Variants in NBAS observed in about 807,000 individuals in gnomAD.
NBAS encodes the protein NAG/BC035112 fusion.
Under a neutral mutation model 302.5 loss-of-function variants are expected in NBAS, and 219 were observed. The observed-to-expected ratio is 0.72, with a 90% confidence interval of 0.65 to 0.81. NBAS has a LOEUF of 0.81. NBAS is among the 30% of genes least tolerant of loss of function. The pLI is 0.00. For missense variants in NBAS, 2,932 were observed against 2,841.6 expected (o/e 1.03, Z -0.72); for synonymous variants, 1,118 against 1,021.6 (o/e 1.09, Z -1.80).
the NBAS span, among the ~76,000 whole-genome samples, chr2:15,149,648 G>A: frequency 6.6e-6 from 1 of 152,026 alleles, no homozygotes; most frequent in Non-Finnish European, 1.5e-5. Flanking sequence ...ACCATGCCTG[G>A]CTAATTTTTT....
At chr2:15,275,889 C>T in intron 43 of NBAS, 71 bp from the exon 44 acceptor site, 1 of 1,316,098 alleles carries the variant, frequency 7.6e-7, no homozygotes, top group South Asian at 1.2e-5. Flanking sequence ...TTCAAACACA[C>T]ACACATAGCC....
At chr2:15,440,097 G>C (rs74493722) in intron 21 of NBAS, among the ~76,000 whole-genome samples, 1,940 of 152,372 alleles carry the variant, frequency 0.013, 32 homozygotes, top group East Asian at 0.06. Flanking sequence ...CAAACTAAAA[G>C]ACAGCAGTAA....
At chr2:15,436,839 T>A (rs1188474394) in intron 21 of NBAS, among the ~76,000 whole-genome samples, 2 of 152,244 alleles carry the variant, frequency 1.3e-5, no homozygotes, top group Non-Finnish European at 2.9e-5. Context: ...AAAGCTTTCA[T>A]CGTTTTTGAT....
rs764140658 is a variant in NBAS at position 15,190,418 on chromosome 2, A to G, written c.6433-15T>C. 5 of 1,613,760 alleles carry G rather than the reference A, an allele frequency of 3.1e-6. No homozygotes were observed. The South Asian group carries it at 4.4e-5, about 14-fold the overall frequency. ...GCTATGTCTACCTGGAAGAAGAAAT[A>G]CACACTTAAAGCTGGTGGCAAAGGC... is the stretch of plus-strand genomic sequence containing the variant. On this transcript the variant is annotated splice_polypyrimidine_tract_variant and intron_variant, in intron 48 of 51. Transcript: ENST00000281513.
intron 48 of NBAS, among the ~76,000 whole-genome samples, chr2:15,205,223 T>C (rs1435263947): frequency 2.0e-5 from 3 of 152,058 alleles, no homozygotes; most frequent in African/African-American, 4.8e-5. Flanking sequence ...GTAAGATGCA[T>C]GGATAACCTC....
At chr2:15,171,844 TGA>T (rs914262260) in intron 51 of NBAS, among the ~76,000 whole-genome samples, 9 of 152,172 alleles carry the variant, frequency 5.9e-5, no homozygotes, top group African/African-American at 1.9e-4. Context: ...GTCAGCCATG[TGA>T]GGACAGTGAG....
intron 40 of NBAS, among the ~76,000 whole-genome samples, chr2:15,306,852 T>C (rs1233007718): frequency 6.6e-6 from 1 of 151,292 alleles, no homozygotes. Flanking sequence ...AAAATACAAA[T>C]ACATGATTTG....
chr2:15,507,803 G>A (rs1661944219), intron 10 of NBAS, among the ~76,000 whole-genome samples: 1 of 152,206 alleles, frequency 6.6e-6, no homozygotes, highest in African/African-American at 2.4e-5. Context: ...GTGATTAAAT[G>A]TTGAATAAAT....
chr2:15,128,354 C>T, the NBAS span, among the ~76,000 whole-genome samples: 2 of 152,156 alleles, frequency 1.3e-5, no homozygotes, highest in African/African-American at 4.8e-5. Flanking sequence ...CACCATAATA[C>T]CTTTCCAAGA....
At chr2:15,032,334 A>T in the NBAS span, among the ~76,000 whole-genome samples, 1 of 152,230 alleles carries the variant, frequency 6.6e-6, no homozygotes. Flanking sequence ...GGCCATTCTG[A>T]TGAGGTCTCC....
At chr2:14,957,072 GA>G in the NBAS span, among the ~76,000 whole-genome samples, 2 of 152,148 alleles carry the variant, frequency 1.3e-5, no homozygotes, top group South Asian at 4.2e-4. Flanking sequence ...GACAGTATGA[GA>G]CACAAGGAGA....
intron 2 of NBAS, 33 bp downstream of exon 2, chr2:15,558,547 T>C (rs777693701): frequency 1.9e-6 from 3 of 1,574,878 alleles, no homozygotes; most frequent in Non-Finnish European, 1.7e-6. Context: ...CTGTTAACCA[T>C]ATCATTACTG....
At chr2:15,144,020 T>C in the NBAS span, among the ~76,000 whole-genome samples, 1 of 138,698 alleles carries the variant, frequency 7.2e-6, no homozygotes, top group South Asian at 2.3e-4. Flanking sequence ...GAGTTAATAC[T>C]ATATATATAT....
At chr2:15,306,640 T>C (rs1007911958) in intron 40 of NBAS, among the ~76,000 whole-genome samples, 1 of 152,212 alleles carries the variant, frequency 6.6e-6, no homozygotes, top group Non-Finnish European at 1.5e-5. Context: ...AAATAAAATA[T>C]GCTTTCTACC....
the NBAS span, among the ~76,000 whole-genome samples, chr2:14,963,823 C>T: frequency 5.3e-5 from 8 of 152,186 alleles, no homozygotes; most frequent in Non-Finnish European, 8.8e-5. Flanking sequence ...TGTGTACTTT[C>T]GCTATAATAA....
the NBAS span, among the ~76,000 whole-genome samples, chr2:14,977,833 T>A: frequency 6.6e-6 from 1 of 152,236 alleles, no homozygotes; most frequent in Non-Finnish European, 1.5e-5. Flanking sequence ...TGATTGGCCT[T>A]ATTGGCCTTA....
intron 51 of NBAS, among the ~76,000 whole-genome samples, chr2:15,173,686 T>A (rs1558408042): frequency 6.6e-6 from 1 of 152,174 alleles, no homozygotes. Flanking sequence ...ACCAAAACTA[T>A]GACAAATCAT....
Position 15,475,716 on chromosome 2 carries a change from T to C in NBAS, c.1312A>G (p.Thr438Ala). 6.2e-7 allele frequency: 1 copy of C among 1,614,106 alleles called. No homozygotes were observed. Reference sequence around the variant, plus strand: ...AAACTTAAAAATCCCCCATCATGGGTAGCAGTGACTTGAGGTGATGGTTCA... The same window carrying C: ...AAACTTAAAAATCCCCCATCATGGGCAGCAGTGACTTGAGGTGATGGTTCA... ...WFEPSPQVTA[T>A]HDGGFLSLEC... is the part of the protein sequence containing the mutation. Residue 438 changes from threonine to alanine, a missense_variant, in exon 14 of 52, where the codon ACC becomes GCC. Coordinates refer to ENST00000281513, the MANE Select transcript of NBAS (RefSeq NM_015909.4).
chr2:15,432,355 G>C (rs1160626211), intron 21 of NBAS, among the ~76,000 whole-genome samples: 1 of 150,206 alleles, frequency 6.7e-6, no homozygotes, highest in African/African-American at 2.4e-5. Flanking sequence ...TTAATTTTAG[G>C]ATTCTTTATA....
Sources: gnomAD v4.1 joint callset for allele counts (sites outside exome capture counted in the v4.1 genomes callset) on GRCh38, gnomAD v4.1.1 for gene constraint, MANE v1.5 for transcripts, NCBI Gene and HGNC (gene_info 2026-07-23, HGNC 2026-07-21) for gene names.